The following LAMA3 variants were observed in gnomAD, a reference collection of about 807,000 sequenced individuals.
LAMA3 encodes the protein laminin subunit alpha-3.
Under a neutral mutation model 402.0 loss-of-function variants are expected in LAMA3, and 281 were observed. The ratio of observed to expected loss-of-function variants is 0.70; its 90% CI spans 0.63 to 0.77. LAMA3 has a LOEUF of 0.77. Ranked by LOEUF, LAMA3 falls within the 30% of genes least tolerant of loss-of-function variation. The pLI, the probability that LAMA3 is intolerant of heterozygous loss-of-function variation, is 0.00. For missense variants in LAMA3, 3,840 were observed against 4,215.5 expected, an observed-to-expected ratio of 0.91 and a Z score of 2.47; for synonymous variants, 1,431 against 1,558.4, an observed-to-expected ratio of 0.92 and a Z score of 1.93.
intron 72 of LAMA3, among the ~76,000 whole-genome samples, chr18:23,951,303 T>C (rs902330334): frequency 6.6e-5 from 10 of 152,204 alleles, no homozygotes; most frequent in African/African-American, 1.7e-4. Flanking sequence ...CCTCCACCAG[T>C]AGCTTTGCCT....
intron 6 of LAMA3, among the ~76,000 whole-genome samples, chr18:23,757,430 C>T (rs921076214): frequency 6.6e-5 from 10 of 152,010 alleles, no homozygotes; most frequent in South Asian, 4.2e-4. Context: ...CTTCCCCTCC[C>T]CTTCCTCCTC....
At chr18:23,946,324 A>T in intron 70 of LAMA3, 40 bp downstream of exon 70, 1 of 1,592,184 alleles carries the variant, frequency 6.3e-7, no homozygotes, top group East Asian at 2.2e-5. Flanking sequence ...GAAACAATTC[A>T]CCTTATATTA....
intron 17 of LAMA3, 137 bp from the exon 18 acceptor site, chr18:23,816,251 G>C (rs900708278): frequency 1.9e-5 from 14 of 725,538 alleles, no homozygotes; most frequent in African/African-American, 5.2e-5. Flanking sequence ...TCAAACACTT[G>C]CCAGACAGAT....
At chr18:23,899,123 C>T in intron 46 of LAMA3, 58 bp downstream of exon 46, 1 of 1,361,176 alleles carries the variant, frequency 7.3e-7, no homozygotes, top group South Asian at 1.2e-5. Context: ...CTTCATTGTA[C>T]ACTAAAAGAA....
intron 9 of LAMA3, among the ~76,000 whole-genome samples, chr18:23,775,435 G>C (rs186391761): frequency 6.6e-6 from 1 of 152,308 alleles, no homozygotes; most frequent in East Asian, 1.9e-4. Context: ...TTCATAGCTA[G>C]AAAGGGCTGT....
At chr18:23,847,995 A>G (rs1238345107) in intron 32 of LAMA3, among the ~76,000 whole-genome samples, 2 of 152,240 alleles carry the variant, frequency 1.3e-5, no homozygotes, top group East Asian at 3.8e-4. Flanking sequence ...TACATGCATA[A>G]TGAAGGTATC....
At chr18:23,748,154 TGTG>T in intron 3 of LAMA3, 94 bp downstream of exon 3, 1 of 882,292 alleles carries the variant, frequency 1.1e-6, no homozygotes, top group Non-Finnish European at 1.9e-6. Context: ...CTTGGCTGGG[TGTG>T]GTGGCTCACC....
intron 68 of LAMA3, among the ~76,000 whole-genome samples, chr18:23,942,417 A>T (rs944565761): frequency 6.6e-6 from 1 of 152,202 alleles, no homozygotes; most frequent in Non-Finnish European, 1.5e-5. Flanking sequence ...TTGCATTCCT[A>T]CTGTCCAGCA....
chr18:23,861,399 A>G (rs1387348582), intron 34 of LAMA3, among the ~76,000 whole-genome samples: 1 of 152,226 alleles, frequency 6.6e-6, no homozygotes, highest in Non-Finnish European at 1.5e-5. Flanking sequence ...GTCAAGAACA[A>G]TGATGTGTGC....
chr18:23,920,980 A>C lies in LAMA3; in HGVS notation c.7969A>C (p.Arg2657=), dbSNP rs1013342786. The C allele has an allele frequency of 1.2e-6, 2 of 1,614,042 alleles. No homozygotes were observed. Among genetic ancestry groups the C allele is most frequent in the Middle Eastern group, 1.6e-4 (1 of 6,062 alleles). ...LNIEDGKLMV[R]YKLNSELPKE... is the part of the protein sequence containing the mutation. ...TATAGAAGATGGCAAGCTCATGGTG[A>C]GATACAAACTGAATTCAGAGCTACC... Residue 2657 remains arginine, a synonymous_variant, in exon 61 of 75, where the codon AGA becomes CGA. Coordinates refer to ENST00000313654, the MANE Select transcript of LAMA3 (RefSeq NM_198129.4).
chr18:23,740,624 T>A (rs1041204371), intron 2 of LAMA3, among the ~76,000 whole-genome samples: 1 of 152,108 alleles, frequency 6.6e-6, no homozygotes, highest in Non-Finnish European at 1.5e-5. Flanking sequence ...TAAAAGAACC[T>A]AGGGAGACAG....
At chr18:23,926,134 C>G (rs1464500572) in intron 62 of LAMA3, among the ~76,000 whole-genome samples, 1 of 152,168 alleles carries the variant, frequency 6.6e-6, no homozygotes, top group African/African-American at 2.4e-5. Flanking sequence ...GATAAGAAAA[C>G]CTGCCCTTCC....
At chr18:23,926,428 A>G (rs1229286483) in intron 62 of LAMA3, among the ~76,000 whole-genome samples, 1 of 152,254 alleles carries the variant, frequency 6.6e-6, no homozygotes, top group Non-Finnish European at 1.5e-5. Context: ...AGCTCCAGGA[A>G]TGGAAATGAA....
At position 23,693,035 on chromosome 18, in the gene LAMA3, A is replaced by G. The variant is rs569127298; in HGVS notation, c.294+3058A>G. ...GCATTTGTCTTCTAAATAATATACA[A>G]AAAAAGCAGTTAAAAACCAAAAATA... On this transcript the variant is annotated intron_variant, in intron 1 of 74. Coordinates refer to ENST00000313654, the MANE Select transcript of LAMA3 (RefSeq NM_198129.4). 3.3e-5 allele frequency among the ~76,000 whole-genome samples: 5 copies of G among 152,298 alleles called. No homozygotes were observed. The East Asian group carries it at 9.7e-4, about 29-fold the overall frequency.
At chr18:23,919,068 T>A (rs949574558) in intron 60 of LAMA3, among the ~76,000 whole-genome samples, 2 of 152,214 alleles carry the variant, frequency 1.3e-5, no homozygotes, top group Non-Finnish European at 2.9e-5. Flanking sequence ...ATACTACTCA[T>A]ATAATAAGAA....
At chr18:23,876,231 C>T in intron 38 of LAMA3, 63 bp from the exon 39 acceptor site, 1 of 1,087,270 alleles carries the variant, frequency 9.2e-7, no homozygotes, top group South Asian at 1.3e-5. Flanking sequence ...AGAGGTGTCA[C>T]ATGCTTTGGA....
chr18:23,917,001 A>AT (rs34277541), intron 60 of LAMA3, among the ~76,000 whole-genome samples: 1 of 151,858 alleles, frequency 6.6e-6, no homozygotes, highest in African/African-American at 2.4e-5. Flanking sequence ...TCAATAGGTA[A>AT]TTTTTTCTGT....
chr18:23,890,162 G>A, intron 42 of LAMA3, 45 bp downstream of exon 42: 1 of 1,283,196 alleles, frequency 7.8e-7, no homozygotes, highest in Non-Finnish European at 1.1e-6. Context: ...TATAAAGCTG[G>A]TATAACTTAA....
Position 23,951,730 on chromosome 18 carries a change from T to G in LAMA3, c.9689T>G (p.Val3230Gly). The stretch of plus-strand genomic sequence containing the variant: ...GGGGCAGGTGGGACCTCAACGTCGG[T>G]CACACCAAAGCAGTCTCTGTGTGAT... The part of the protein sequence containing the change: ...DSGAGGTSTS[V>G]TPKQSLCDGQ... The change falls in exon 73 of 75, where the codon GTC becomes GGC. Residue 3230 changes from valine to glycine, a missense_variant. By Grantham distance (109) the Val-to-Gly change is moderately radical. Transcript: ENST00000313654. 6.2e-7 allele frequency: 1 copy of G among 1,614,012 alleles called. No homozygotes were observed. The highest frequency in any genetic ancestry group is 8.5e-7 in the Non-Finnish European group (1 of 1,179,974).
Sources: allele counts gnomAD v4.1 joint callset (sites outside exome capture counted in the v4.1 genomes callset), GRCh38; gene constraint gnomAD v4.1.1; transcripts MANE v1.5; gene names NCBI Gene and HGNC (gene_info 2026-07-23, HGNC 2026-07-21).